The following CDCP2 variants were observed in gnomAD, a reference collection of about 807,000 sequenced individuals.
CDCP2 encodes CUB domain containing protein 2, also known as CUB domain-containing protein 2.
Under a neutral mutation model 31.0 loss-of-function variants are expected in CDCP2, and 31 were observed. That is an observed-to-expected ratio of 1.00 (90% CI 0.75 to 1.35). The LOEUF (loss-of-function observed/expected upper bound fraction) is 1.35. Ranked by LOEUF, CDCP2 falls within the 40% of genes most tolerant of loss-of-function variation. CDCP2 has a pLI of 0.00. For missense variants in CDCP2, 443 were observed against 482.6 expected, an observed-to-expected ratio of 0.92 and a Z score of 0.77; for synonymous variants, 206 against 207.9, an observed-to-expected ratio of 0.99 and a Z score of 0.08.
chr1:54,140,225 G>A, intron 3 of CDCP2, 119 bp from the exon 4 acceptor site: 1 of 825,932 alleles, frequency 1.2e-6, no homozygotes, highest in Non-Finnish European at 2.0e-6. Context: ...AGCAGGTTGT[G>A]GGCACCATGG....
intron 1 of CDCP2, among the ~76,000 whole-genome samples, chr1:54,145,159 G>A (rs1037704599): frequency 6.6e-6 from 1 of 152,178 alleles, no homozygotes; most frequent in African/African-American, 2.4e-5. Context: ...CAGGTGCAGT[G>A]GTTCATGCCT....
chr1:54,143,137 A>C (rs1189099800), intron 2 of CDCP2, among the ~76,000 whole-genome samples: 2 of 152,060 alleles, frequency 1.3e-5, no homozygotes, highest in Admixed American at 6.5e-5. Context: ...GGAGTTTGAG[A>C]CCAGCCTGGC....
At chr1:54,133,271 A>G (rs1363625541) in exon 6 of CDCP2, 2 of 398,986 alleles carry the variant, frequency 5.0e-6, no homozygotes, top group African/African-American at 4.1e-5. Context: ...GCACGCTGAC[A>G]ATCACTGAAG....
chr1:54,151,425 A>G (rs1006513958), intron 1 of CDCP2, among the ~76,000 whole-genome samples: 2 of 152,186 alleles, frequency 1.3e-5, no homozygotes, highest in East Asian at 3.9e-4. Flanking sequence ...CCCTACCCAC[A>G]GGGCAGGGAA....
chr1:54,135,185 G>A (rs1211062228), intron 5 of CDCP2, among the ~76,000 whole-genome samples: 1 of 151,806 alleles, frequency 6.6e-6, no homozygotes, highest in Admixed American at 6.6e-5. Flanking sequence ...ATCAGAGAAT[G>A]GGGGTGGGGG....
At chr1:54,136,894 G>A (rs1190659960) in intron 4 of CDCP2, 86 bp from the exon 5 acceptor site, 6 of 398,604 alleles carry the variant, frequency 1.5e-5, no homozygotes, top group Non-Finnish European at 2.7e-5. Context: ...TCCCACAAAG[G>A]GTGGTGGATG....
At chr1:54,141,289 T>C in exon 3 of CDCP2, 1 of 1,614,200 alleles carries the variant, frequency 6.2e-7, no homozygotes, top group South Asian at 1.1e-5. Flanking sequence ...GCCCTCCACC[T>C]GGAAGTCCAC....
chr1:54,147,100 A>G (rs1255416671), intron 1 of CDCP2, among the ~76,000 whole-genome samples: 1 of 147,920 alleles, frequency 6.8e-6, no homozygotes, highest in African/African-American at 2.5e-5. Context: ...AAAAAAAAAA[A>G]AAAAGACACA....
chr1:54,151,070 G>A (rs1165189085), intron 1 of CDCP2, among the ~76,000 whole-genome samples: 1 of 152,158 alleles, frequency 6.6e-6, no homozygotes, highest in African/African-American at 2.4e-5. Context: ...TATCAAGGAG[G>A]GGCAAGATTT....
intron 3 of CDCP2, 148 bp from the exon 4 acceptor site, chr1:54,140,254 G>T: frequency 1.5e-6 from 1 of 660,038 alleles, no homozygotes; most frequent in Non-Finnish European, 2.6e-6. Context: ...CCAGACAATT[G>T]ATCCCAACTA....
chr1:54,138,608 C>T (rs1557705636), intron 4 of CDCP2: 1 of 152,260 alleles, frequency 6.6e-6, no homozygotes, highest in Non-Finnish European at 1.5e-5. Context: ...TCATGACCAC[C>T]TGTCTAGGGC....
chr1:54,146,592 C>G (rs1254264036), intron 1 of CDCP2, among the ~76,000 whole-genome samples: 1 of 151,868 alleles, frequency 6.6e-6, no homozygotes, highest in Non-Finnish European at 1.5e-5. Context: ...TTTCCTAGTT[C>G]TGTTTACCAA....
In CDCP2 at chr1:54,152,771, C is replaced by A; in HGVS notation, c.79+73G>T. ...TGCTTTCTGGCTTCCCATGTAGAAA[C>A]TTCTTGAGCCCCTGGCTGTTGCCTG... is the stretch of plus-strand genomic sequence containing the variant. On this transcript the variant is annotated intron_variant, in intron 1 of 5. Coordinates refer to ENST00000530059, the Ensembl canonical transcript of CDCP2. 7 of 1,428,414 alleles carry A rather than the reference C, an allele frequency of 4.9e-6. 1 individual carries two copies. In the South Asian group the frequency reaches 4.9e-5, roughly 10 times the overall value. The allele number at this position is 1,428,414 out of a possible 1,614,324, so 88.5% of individuals were successfully genotyped here. A position where few individuals can be genotyped will look rare whatever the true frequency, so the allele number is the denominator to read the frequency against.
chr1:54,144,571 T>C, exon 2 of CDCP2: 1 of 1,613,928 alleles, frequency 6.2e-7, no homozygotes, highest in Non-Finnish European at 8.5e-7. Context: ...GGGGGCACCT[T>C]GCCGCAGAAC....
intron 1 of CDCP2, among the ~76,000 whole-genome samples, chr1:54,147,882 C>T (rs1659503391): frequency 6.6e-6 from 1 of 151,374 alleles, no homozygotes; most frequent in African/African-American, 2.4e-5. Context: ...CATGGTGGTG[C>T]ATGTTGGTGG....
intron 2 of CDCP2, chr1:54,142,520 C>A (rs992386056): frequency 6.6e-6 from 1 of 152,268 alleles, no homozygotes; most frequent in African/African-American, 2.4e-5. Flanking sequence ...AGTACAACTA[C>A]ACGGCAAGTG....
At chr1:54,149,231 T>C (rs1659532431) in intron 1 of CDCP2, among the ~76,000 whole-genome samples, 1 of 151,462 alleles carries the variant, frequency 6.6e-6, no homozygotes, top group Non-Finnish European at 1.5e-5. Context: ...ACCTTGTCTC[T>C]AAAAAAATTT....
chr1:54,139,561 C>T (rs1046917737), intron 4 of CDCP2, 192 bp downstream of exon 4: 18 of 1,613,396 alleles, frequency 1.1e-5, no homozygotes, highest in Admixed American at 5.0e-5. Context: ...TGGAAACAAG[C>T]GGGAGCCGTA....
exon 2 of CDCP2, chr1:54,144,529 A>G (rs750340680): frequency 1.2e-6 from 2 of 1,611,200 alleles, no homozygotes; most frequent in Non-Finnish European, 1.7e-6. Context: ...AAGATGACAG[A>G]CATGACATGC....
Sources: gnomAD v4.1 joint callset for allele counts (sites outside exome capture counted in the v4.1 genomes callset) on GRCh38, gnomAD v4.1.1 for gene constraint, MANE v1.5 for transcripts, NCBI Gene and HGNC (gene_info 2026-07-23, HGNC 2026-07-21) for gene names.